The following ADARB1 variants were observed in gnomAD, a reference collection of about 807,000 sequenced individuals.
ADARB1 encodes double-stranded RNA-specific editase 1.
Under a neutral mutation model 52.4 loss-of-function variants are expected in ADARB1, and 10 were observed. The observed-to-expected ratio is 0.19, with a 90% CI of 0.12 to 0.32. The LOEUF (loss-of-function observed/expected upper bound fraction) is 0.32, where lower values mean the gene tolerates loss of function less well. Among genes scored for constraint, ADARB1 ranks in the 10% least tolerant of loss-of-function variants. The pLI, the probability that ADARB1 is intolerant of heterozygous loss-of-function variation, is 1.00. For synonymous variants in ADARB1, 349 were observed against 371.1 expected (o/e 0.94, Z 0.68); for missense variants, 643 against 922.3 (o/e 0.70, Z 3.92).
intron 1 of ADARB1, among the ~76,000 whole-genome samples, chr21:45,105,078 CGTTGTTTT>C (rs1220598480): frequency 1.9e-5 from 2 of 105,272 alleles, no homozygotes; most frequent in African/African-American, 7.3e-5. Flanking sequence ...GTTGCTGCTT[CGTTGTTTT>C]GTTTTGTTTT....
intron 1 of ADARB1, among the ~76,000 whole-genome samples, chr21:45,098,237 C>A (rs937149161): frequency 6.6e-6 from 1 of 151,818 alleles, no homozygotes; most frequent in African/African-American, 2.4e-5. Context: ...TCCTCCTCAC[C>A]CCACGGCTGT....
chr21:45,089,864 A>G (rs2086493494), intron 1 of ADARB1, among the ~76,000 whole-genome samples: 1 of 152,182 alleles, frequency 6.6e-6, no homozygotes, highest in Non-Finnish European at 1.5e-5. Context: ...TTCTAGATGG[A>G]GGATCCTTTT....
chr21:45,190,005 T>C (rs1021018355), intron 8 of ADARB1, among the ~76,000 whole-genome samples: 2 of 152,182 alleles, frequency 1.3e-5, no homozygotes, highest in African/African-American at 4.8e-5. Flanking sequence ...TGGGAAACTG[T>C]TAGCAATTAT....
intron 8 of ADARB1, among the ~76,000 whole-genome samples, chr21:45,186,079 G>A (rs924822678): frequency 6.6e-6 from 1 of 152,202 alleles, no homozygotes; most frequent in Non-Finnish European, 1.5e-5. Flanking sequence ...ACCTCCACAC[G>A]TGCATATGTC....
intron 1 of ADARB1, among the ~76,000 whole-genome samples, chr21:45,090,023 A>G (rs1004615982): frequency 6.6e-6 from 1 of 152,100 alleles, no homozygotes; most frequent in African/African-American, 2.4e-5. Context: ...TGCTTCCAGT[A>G]TTTCATCCTT....
At chr21:45,166,573 G>A (rs2091262914) in intron 2 of ADARB1, among the ~76,000 whole-genome samples, 1 of 152,228 alleles carries the variant, frequency 6.6e-6, no homozygotes, top group South Asian at 2.1e-4. Context: ...ACGCTGTGTT[G>A]CGTTAGGCAC....
chr21:45,076,339 G>C (rs2085934493), intron 1 of ADARB1, among the ~76,000 whole-genome samples: 1 of 152,234 alleles, frequency 6.6e-6, no homozygotes, highest in Admixed American at 6.5e-5. Flanking sequence ...TGATGAGACA[G>C]GCTGAGCTGG....
intron 1 of ADARB1, among the ~76,000 whole-genome samples, chr21:45,113,227 A>G (rs2087628583): frequency 6.6e-6 from 1 of 152,126 alleles, no homozygotes; most frequent in South Asian, 2.1e-4. Flanking sequence ...GTTCGAGACC[A>G]GCCTGGCCAA....
At chr21:45,189,605 G>A (rs1372196347) in intron 8 of ADARB1, among the ~76,000 whole-genome samples, 1 of 152,070 alleles carries the variant, frequency 6.6e-6, no homozygotes, top group Non-Finnish European at 1.5e-5. Flanking sequence ...ACTCACTTTA[G>A]CATTTCTTGT....
At chr21:45,131,364 G>A (rs1046423287) in intron 2 of ADARB1, among the ~76,000 whole-genome samples, 1 of 152,216 alleles carries the variant, frequency 6.6e-6, no homozygotes, top group African/African-American at 2.4e-5. Flanking sequence ...TCTCTAGGTA[G>A]TCTCTGTATT....
At chr21:45,151,304 A>C (rs1490650709) in intron 2 of ADARB1, among the ~76,000 whole-genome samples, 3 of 152,264 alleles carry the variant, frequency 2.0e-5, no homozygotes, top group Non-Finnish European at 2.9e-5. Context: ...CTGGACACAC[A>C]CAAATTTAAG....
chr21:45,202,088 T>C (rs1377844526), intron 8 of ADARB1, among the ~76,000 whole-genome samples: 1 of 151,952 alleles, frequency 6.6e-6, no homozygotes, highest in African/African-American at 2.4e-5. Flanking sequence ...TGGACTGTTT[T>C]GTGCCAGGGA....
chr21:45,205,477 C>A (rs946831317), intron 9 of ADARB1, among the ~76,000 whole-genome samples: 2 of 152,136 alleles, frequency 1.3e-5, no homozygotes, highest in African/African-American at 4.8e-5. Context: ...TTAGAGCCAC[C>A]AGGGTGTCCA....
At chr21:45,203,422 C>G (rs536669097) in intron 8 of ADARB1, among the ~76,000 whole-genome samples, 2 of 152,310 alleles carry the variant, frequency 1.3e-5, no homozygotes, top group African/African-American at 4.8e-5. Flanking sequence ...CTTCATTTGT[C>G]TTTTTATTGC....
intron 2 of ADARB1, among the ~76,000 whole-genome samples, chr21:45,141,535 G>A (rs187357933): frequency 1.5e-3 from 216 of 145,306 alleles, no homozygotes; most frequent in African/African-American, 4.7e-3. Flanking sequence ...TCTGTAAATG[G>A]GGATGGAGCT....
chr21:45,216,907 T>G (rs1037000379), intron 9 of ADARB1, among the ~76,000 whole-genome samples: 2 of 152,018 alleles, frequency 1.3e-5, no homozygotes, highest in Admixed American at 1.3e-4. Context: ...AAATGTAGGA[T>G]TGTTGGTTTA....
Position 45,184,757 on chromosome 21 carries a change from C to A in ADARB1, c.1397-166C>A, listed in dbSNP as rs2092044893. Reference sequence around the variant, plus strand: ...TGAGCCACCATACCCAGCCTCTCAGCTTCACATACTTATTTTGTATGTGTA... The same window carrying A: ...TGAGCCACCATACCCAGCCTCTCAGATTCACATACTTATTTTGTATGTGTA... On this transcript the variant is annotated intron_variant, in intron 7 of 10. Coordinates refer to ENST00000348831, the MANE Select transcript of ADARB1 (RefSeq NM_001112.4). 3.3e-5 allele frequency among the ~76,000 whole-genome samples: 5 copies of A among 152,194 alleles called. No homozygotes were observed. In the South Asian group the frequency reaches 8.3e-4, roughly 25 times the overall value.
chr21:45,118,555 A>G (rs1307798012), intron 1 of ADARB1: 1 of 152,088 alleles, frequency 6.6e-6, no homozygotes, highest in Non-Finnish European at 1.5e-5. Flanking sequence ...ATTCTCTATT[A>G]TTTTCCAGAG....
intron 9 of ADARB1, among the ~76,000 whole-genome samples, chr21:45,211,527 A>G (rs2092769719): frequency 6.6e-6 from 1 of 152,256 alleles, no homozygotes; most frequent in East Asian, 1.9e-4. Context: ...AATATCCATT[A>G]ATCATTATGT....
Sources: gnomAD v4.1 joint callset for allele counts (sites outside exome capture counted in the v4.1 genomes callset) on GRCh38, gnomAD v4.1.1 for gene constraint, MANE v1.5 for transcripts, NCBI Gene and HGNC (gene_info 2026-07-23, HGNC 2026-07-21) for gene names.